The following SPMAP2L variants were observed in gnomAD, a reference collection of about 807,000 sequenced individuals.
SPMAP2L encodes the protein sperm microtubule associated protein 2 like, also known as sperm microtubule associated protein 2-like.
the SPMAP2L span, among the ~76,000 whole-genome samples, chr4:56,540,276 C>T: frequency 6.6e-6 from 1 of 152,300 alleles, no homozygotes; most frequent in African/African-American, 2.4e-5. Context: ...GGCATGGTGG[C>T]TCACGCCTGT....
At chr4:56,553,365 A>AT in the SPMAP2L span, among the ~76,000 whole-genome samples, 3 of 150,126 alleles carry the variant, frequency 2.0e-5, no homozygotes, top group Non-Finnish European at 4.4e-5. Context: ...TAATTTTTAA[A>AT]TTTTTTTGTG....
the SPMAP2L span, among the ~76,000 whole-genome samples, chr4:56,535,623 G>T: frequency 3.9e-5 from 6 of 152,140 alleles, no homozygotes; most frequent in Non-Finnish European, 5.9e-5. Context: ...GCTCCCAGCC[G>T]AATAAAGCCC....
chr4:56,554,939 T>C, the SPMAP2L span, among the ~76,000 whole-genome samples: 10 of 6,300 alleles, frequency 1.6e-3, no homozygotes, highest in East Asian at 0.011. Flanking sequence ...TATCATTTCT[T>C]TTTTTTTTTT....
the SPMAP2L span, among the ~76,000 whole-genome samples, chr4:56,541,340 G>A: frequency 6.6e-6 from 1 of 151,870 alleles, no homozygotes; most frequent in African/African-American, 2.4e-5. Flanking sequence ...TAAAATAAAT[G>A]GTATAATTTA....
chr4:56,599,341 GC>G, the SPMAP2L span, among the ~76,000 whole-genome samples: 1 of 151,914 alleles, frequency 6.6e-6, no homozygotes, highest in African/African-American at 2.4e-5. Flanking sequence ...GCACCACCAT[GC>G]CCAGCTAATT....
At chr4:56,562,260 C>G in the SPMAP2L span, among the ~76,000 whole-genome samples, 32 of 151,932 alleles carry the variant, frequency 2.1e-4, no homozygotes, top group South Asian at 4.1e-4. Flanking sequence ...TTTTCCCTTT[C>G]CCTACTCTCT....
the SPMAP2L span, among the ~76,000 whole-genome samples, chr4:56,540,515 C>A: frequency 4.6e-5 from 7 of 151,984 alleles, no homozygotes; most frequent in Non-Finnish European, 7.3e-5. Context: ...TGCACTGCAG[C>A]CTGGGTGACA....
chr4:56,595,049 G>C, the SPMAP2L span: 5 of 1,610,476 alleles, frequency 3.1e-6, no homozygotes, highest in East Asian at 2.2e-5. Flanking sequence ...TGTCCTGTGG[G>C]AACCGTCAGT....
chr4:56,594,043 T>C, the SPMAP2L span: 4 of 1,611,478 alleles, frequency 2.5e-6, no homozygotes. Flanking sequence ...ATTTTCGGCT[T>C]TTTGAGGATG....
chr4:56,572,543 G>T, the SPMAP2L span, among the ~76,000 whole-genome samples: 1 of 152,136 alleles, frequency 6.6e-6, no homozygotes, highest in Non-Finnish European at 1.5e-5. Flanking sequence ...TTTTTTGAGT[G>T]TATAAATAGA....
the SPMAP2L span, among the ~76,000 whole-genome samples, chr4:56,544,383 G>A: frequency 3.3e-5 from 5 of 152,046 alleles, no homozygotes; most frequent in Non-Finnish European, 5.9e-5. Context: ...TTGCATATAC[G>A]GTAACCTTTA....
chr4:56,543,922 GTGT>G, the SPMAP2L span, among the ~76,000 whole-genome samples: 1,282 of 126,630 alleles, frequency 0.01, 62 homozygotes, highest in African/African-American at 0.036. Flanking sequence ...GTGTGTGTGT[GTGT>G]ATGTGAGAGA....
chr4:56,609,201 C>G, the SPMAP2L span, among the ~76,000 whole-genome samples: 1 of 151,920 alleles, frequency 6.6e-6, no homozygotes, highest in Non-Finnish European at 1.5e-5. Flanking sequence ...CACCATCACG[C>G]CAGACTAATT....
the SPMAP2L span, among the ~76,000 whole-genome samples, chr4:56,592,658 A>C: frequency 6.6e-6 from 1 of 152,058 alleles, no homozygotes; most frequent in African/African-American, 2.4e-5. Context: ...GGCCGCGGCC[A>C]TGCAGTCCTG....
chr4:56,591,146 G>A, the SPMAP2L span, among the ~76,000 whole-genome samples: 2 of 152,206 alleles, frequency 1.3e-5, no homozygotes, highest in South Asian at 2.1e-4. Context: ...ATTGGATCAT[G>A]AGAGTGGATA....
At chr4:56,625,583 T>C in the SPMAP2L span, among the ~76,000 whole-genome samples, 3 of 152,176 alleles carry the variant, frequency 2.0e-5, no homozygotes, top group Non-Finnish European at 2.9e-5. Flanking sequence ...GCTATTCTCA[T>C]GATAGTGAAT....
the SPMAP2L span, among the ~76,000 whole-genome samples, chr4:56,586,250 AGCCT>A: frequency 6.6e-6 from 1 of 152,134 alleles, no homozygotes; most frequent in Non-Finnish European, 1.5e-5. Flanking sequence ...ACAGTTCTGA[AGCCT>A]GGGAAGTCCA....
At chr4:56,559,654 G>T in the SPMAP2L span, 1 of 886,118 alleles carries the variant, frequency 1.1e-6, no homozygotes, top group Non-Finnish European at 1.5e-6. Flanking sequence ...TGCAACCTCC[G>T]CCTCCCAGGT....
the SPMAP2L span, among the ~76,000 whole-genome samples, chr4:56,622,152 A>G: frequency 1.3e-5 from 2 of 152,368 alleles, no homozygotes; most frequent in African/African-American, 4.8e-5. Flanking sequence ...CTAAAATGCT[A>G]AAAAAGAAAA....
Sources: gnomAD v4.1 joint callset for allele counts (sites outside exome capture counted in the v4.1 genomes callset) on GRCh38, gnomAD v4.1.1 for gene constraint, MANE v1.5 for transcripts, NCBI Gene and HGNC (gene_info 2026-07-23, HGNC 2026-07-21) for gene names.